Variants in RNF180 observed in about 807,000 individuals in gnomAD.
RNF180 encodes the protein ring finger protein 180.
A neutral mutation model predicts 59.2 loss-of-function variants in RNF180; 38 were observed. The observed-to-expected ratio is 0.64, with a 90% CI of 0.50 to 0.84. The LOEUF (loss-of-function observed/expected upper bound fraction) is 0.84, where lower values mean the gene tolerates loss of function less well. Among genes scored for constraint, RNF180 ranks in the 40% least tolerant of loss-of-function variants. The pLI, the probability that RNF180 is intolerant of heterozygous loss-of-function variation, is 0.00. For synonymous variants in RNF180, 262 were observed against 240.3 expected (o/e 1.09, Z -0.84); for missense variants, 705 against 700.9 (o/e 1.01, Z -0.07).
At position 64,192,650 on chromosome 5, in the gene RNF180, C is replaced by T. The variant is rs575218688; in HGVS notation, c.1-8158C>T. 1.1e-4 allele frequency among the ~76,000 whole-genome samples: 16 copies of T among 151,886 alleles called. 1 individual carries two copies. The highest frequency in any genetic ancestry group is 2.7e-4 in the African/African-American group (11 of 41,390). ...TCGCGCCACTGCACTCCAGCCTGGG[C>T]GACAGAGTGAGACTCCATCTCAAAA... On this transcript the variant is annotated intron_variant, in intron 1 of 7. Transcript: ENST00000389100.
intron 5 of RNF180, among the ~76,000 whole-genome samples, chr5:64,293,969 G>A (rs961853765): frequency 1.3e-5 from 2 of 152,094 alleles, no homozygotes; most frequent in Non-Finnish European, 2.9e-5. Context: ...ACTTTATAAT[G>A]TAAACATATT....
At chr5:64,352,840 C>T (rs1745870317) in intron 7 of RNF180, among the ~76,000 whole-genome samples, 1 of 151,956 alleles carries the variant, frequency 6.6e-6, no homozygotes, top group South Asian at 2.1e-4. Context: ...GTCATAGATA[C>T]ATAAACAGAA....
intron 5 of RNF180, among the ~76,000 whole-genome samples, chr5:64,257,531 C>G (rs891320095): frequency 2.0e-5 from 3 of 152,124 alleles, no homozygotes; most frequent in Non-Finnish European, 4.4e-5. Flanking sequence ...GTTGAACCAG[C>G]CTTGCATCCC....
intron 5 of RNF180, among the ~76,000 whole-genome samples, chr5:64,226,720 G>A (rs1741784232): frequency 6.6e-6 from 1 of 151,946 alleles, no homozygotes. Context: ...GTGATATTTT[G>A]CTACAGCAGC....
At chr5:64,220,945 A>G (rs1741293672) in intron 5 of RNF180, among the ~76,000 whole-genome samples, 1 of 152,134 alleles carries the variant, frequency 6.6e-6, no homozygotes, top group Non-Finnish European at 1.5e-5. Flanking sequence ...TTTAGACACT[A>G]CGCATAATAG....
chr5:64,277,054 A>G (rs915914453), intron 5 of RNF180, among the ~76,000 whole-genome samples: 4 of 151,938 alleles, frequency 2.6e-5, no homozygotes, highest in South Asian at 2.1e-4. Flanking sequence ...TATTCTTGCT[A>G]TGGATGGAAT....
chr5:64,299,233 A>G (rs961714527), intron 5 of RNF180, among the ~76,000 whole-genome samples: 4 of 151,966 alleles, frequency 2.6e-5, no homozygotes, highest in Non-Finnish European at 5.9e-5. Flanking sequence ...TTTGAGATAT[A>G]AATTTCTGTT....
At chr5:64,309,587 T>C (rs1236052597) in intron 5 of RNF180, among the ~76,000 whole-genome samples, 1 of 151,518 alleles carries the variant, frequency 6.6e-6, no homozygotes, top group Non-Finnish European at 1.5e-5. Context: ...GGTTCTAATA[T>C]TGTGGTGTGT....
intron 5 of RNF180, among the ~76,000 whole-genome samples, chr5:64,284,236 A>T (rs530994742): frequency 0.25 from 1,076 of 4,284 alleles, 13 homozygotes; most frequent in African/African-American, 0.41. Flanking sequence ...TGTTGGCCTG[A>T]TGGGATTCCC....
At chr5:64,328,353 G>GC (rs1744749405) in intron 6 of RNF180, among the ~76,000 whole-genome samples, 1 of 152,130 alleles carries the variant, frequency 6.6e-6, no homozygotes, top group Non-Finnish European at 1.5e-5. Context: ...ACACTGACAA[G>GC]CCCCTTCAAC....
chr5:64,172,819 C>A (rs1289440079), intron 1 of RNF180, among the ~76,000 whole-genome samples: 2 of 152,042 alleles, frequency 1.3e-5, no homozygotes. Context: ...TCAGTGAACC[C>A]CTGAGGCATG....
At position 64,251,773 on chromosome 5, in the gene RNF180, A is replaced by T. The variant is rs140352095; in HGVS notation, c.1227+34377A>T. On this transcript the variant is annotated intron_variant, in intron 5 of 7. Transcript: ENST00000389100. ...AGTAACGATACAGAATACAAAATCA[A>T]CATTTAAAAACTAGCATTTCTACAC... is the stretch of plus-strand genomic sequence containing the variant. Among the ~76,000 whole-genome samples, 523 of 152,282 alleles carry T rather than the reference A, an allele frequency of 3.4e-3. 2 individuals carry two copies. Among genetic ancestry groups the T allele is most frequent in the African/African-American group, 0.011 (475 of 41,556 alleles).
At chr5:64,311,831 T>C (rs942511991) in intron 5 of RNF180, among the ~76,000 whole-genome samples, 1 of 151,998 alleles carries the variant, frequency 6.6e-6, no homozygotes, top group Non-Finnish European at 1.5e-5. Context: ...TTAGATTAAA[T>C]GATTTAGTGT....
intron 5 of RNF180, among the ~76,000 whole-genome samples, chr5:64,321,408 C>G (rs1431224133): frequency 6.6e-6 from 1 of 152,040 alleles, no homozygotes; most frequent in Non-Finnish European, 1.5e-5. Context: ...ATGAATGAAC[C>G]CCCATTCACA....
chr5:64,357,561 G>C (rs1420466564), intron 7 of RNF180, among the ~76,000 whole-genome samples: 2 of 151,788 alleles, frequency 1.3e-5, no homozygotes, highest in Non-Finnish European at 2.9e-5. Context: ...ATTTAGGACA[G>C]TCTCAAAAAT....
At chr5:64,302,345 G>A (rs1338489448) in intron 5 of RNF180, among the ~76,000 whole-genome samples, 1 of 151,484 alleles carries the variant, frequency 6.6e-6, no homozygotes, top group African/African-American at 2.4e-5. Context: ...TATTTTTTTA[G>A]TTCGGATTCT....
At chr5:64,357,934 T>C (rs1187554585) in intron 7 of RNF180, among the ~76,000 whole-genome samples, 2 of 151,820 alleles carry the variant, frequency 1.3e-5, no homozygotes, top group Non-Finnish European at 2.9e-5. Flanking sequence ...AAACCTGATA[T>C]CAACTTGTAG....
At chr5:64,281,672 A>G (rs565513341) in intron 5 of RNF180, among the ~76,000 whole-genome samples, 1 of 151,872 alleles carries the variant, frequency 6.6e-6, no homozygotes, top group South Asian at 2.1e-4. Flanking sequence ...CTAATTTTGT[A>G]TTTTCAGTAG....
chr5:64,249,873 A>C (rs1561217232), intron 5 of RNF180, among the ~76,000 whole-genome samples: 2 of 152,158 alleles, frequency 1.3e-5, no homozygotes, highest in Non-Finnish European at 2.9e-5. Flanking sequence ...ATACAATAAT[A>C]GTATGGAACT....
Sources: gnomAD v4.1 joint callset for allele counts (sites outside exome capture counted in the v4.1 genomes callset) on GRCh38, gnomAD v4.1.1 for gene constraint, MANE v1.5 for transcripts, NCBI Gene and HGNC (gene_info 2026-07-23, HGNC 2026-07-21) for gene names.